Variants in HMG20A observed in about 807,000 individuals in gnomAD.
The protein encoded by HMG20A is high mobility group 20A.
A neutral mutation model predicts 43.9 loss-of-function variants in HMG20A; 17 were observed. That is an observed-to-expected ratio of 0.39 (90% CI 0.27 to 0.58). The LOEUF is 0.58. HMG20A is among the 20% of genes least tolerant of loss of function. The pLI, the probability that HMG20A is intolerant of heterozygous loss-of-function variation, is 0.59. For missense variants in HMG20A, 341 were observed against 438.2 expected, an observed-to-expected ratio of 0.78 and a Z score of 1.98; for synonymous variants, 132 against 147.5, an observed-to-expected ratio of 0.89 and a Z score of 0.76.
the HMG20A span, among the ~76,000 whole-genome samples, chr15:77,501,770 A>G: frequency 6.6e-6 from 1 of 152,252 alleles, no homozygotes; most frequent in African/African-American, 2.4e-5. Flanking sequence ...CTAAAAGGCA[A>G]CATAACGAAG....
chr15:77,425,751 T>G (rs532444848), intron 1 of HMG20A, among the ~76,000 whole-genome samples: 1 of 152,300 alleles, frequency 6.6e-6, no homozygotes, highest in East Asian at 1.9e-4. Context: ...TATCAAATAT[T>G]TGGACACTTA....
the HMG20A span, among the ~76,000 whole-genome samples, chr15:77,516,186 T>G: frequency 6.6e-6 from 1 of 152,172 alleles, no homozygotes; most frequent in Admixed American, 6.5e-5. Context: ...AATGTATGAC[T>G]TTTACACCGT....
chr15:77,463,339 A>G (rs1399059401), intron 2 of HMG20A, among the ~76,000 whole-genome samples: 3 of 152,164 alleles, frequency 2.0e-5, no homozygotes, highest in Non-Finnish European at 4.4e-5. Flanking sequence ...TTAACAAGCC[A>G]TTATTTTAGT....
chr15:77,459,646 G>A (rs1417879672), intron 2 of HMG20A, among the ~76,000 whole-genome samples: 1 of 152,136 alleles, frequency 6.6e-6, no homozygotes. Flanking sequence ...CTAGACAGAG[G>A]GAGCAGTAGG....
chr15:77,466,653 A>G (rs530958010), intron 3 of HMG20A, among the ~76,000 whole-genome samples: 1 of 152,062 alleles, frequency 6.6e-6, no homozygotes, highest in African/African-American at 2.4e-5. Flanking sequence ...ACACCATCTT[A>G]CTCTAATCTG....
At chr15:77,457,778 T>A (rs1487387340) in intron 1 of HMG20A, among the ~76,000 whole-genome samples, 2 of 152,188 alleles carry the variant, frequency 1.3e-5, no homozygotes, top group African/African-American at 4.8e-5. Context: ...GAGAGCCACA[T>A]CAGCATGCCT....
chr15:77,498,117 G>T, the HMG20A span, among the ~76,000 whole-genome samples: 2 of 152,202 alleles, frequency 1.3e-5, no homozygotes, highest in East Asian at 3.9e-4. Flanking sequence ...GAGAAAGTGC[G>T]TGGGCCAGGG....
intron 4 of HMG20A, among the ~76,000 whole-genome samples, chr15:77,469,009 T>C (rs2142344052): frequency 6.6e-6 from 1 of 152,176 alleles, no homozygotes; most frequent in East Asian, 1.9e-4. Context: ...CTTTTACCTT[T>C]AACAGAACAT....
In HMG20A at chr15:77,465,672, G is replaced by A. The variant is rs184549379; in HGVS notation, c.237+1285G>A. On this transcript the variant is annotated intron_variant, in intron 3 of 9. Transcript: ENST00000336216. The stretch of plus-strand genomic sequence containing the variant: ...GGCCCTCCAAAGTGCTGGGATTACA[G>A]GTGTGAACCACCGTGCCAGCCCACA... Among the ~76,000 whole-genome samples, 487 of 152,272 alleles carry A rather than the reference G, an allele frequency of 3.2e-3. 1 individual carries two copies. The highest frequency in any genetic ancestry group is 5.5e-3 in the Non-Finnish European group (377 of 68,022).
chr15:77,489,614 C>T (rs2072962618), downstream of HMG20A, among the ~76,000 whole-genome samples: 1 of 152,236 alleles, frequency 6.6e-6, no homozygotes, highest in Admixed American at 6.5e-5. Context: ...ACCTAACAAA[C>T]TCATCTCAGC....
chr15:77,500,960 C>T, the HMG20A span, among the ~76,000 whole-genome samples: 1 of 152,302 alleles, frequency 6.6e-6, no homozygotes, highest in East Asian at 1.9e-4. Flanking sequence ...CTCTGCAAGC[C>T]CAGATCAGAT....
chr15:77,441,562 A>G (rs1374279027), intron 1 of HMG20A, among the ~76,000 whole-genome samples: 1 of 152,184 alleles, frequency 6.6e-6, no homozygotes, highest in Non-Finnish European at 1.5e-5. Context: ...CCCAGAAACC[A>G]GTTAGTTGGT....
chr15:77,439,065 T>G (rs980895626), intron 1 of HMG20A, among the ~76,000 whole-genome samples: 4 of 152,074 alleles, frequency 2.6e-5, no homozygotes, highest in African/African-American at 9.7e-5. Flanking sequence ...AGTGCTGGGA[T>G]TACAGGCGTG....
chr15:77,479,421 A>T (rs2072887288), intron 9 of HMG20A, 100 bp downstream of exon 9: 6 of 1,129,342 alleles, frequency 5.3e-6, no homozygotes, highest in Non-Finnish European at 7.6e-6. Flanking sequence ...ATTACATTGG[A>T]TGAACAAGTT....
the HMG20A span, among the ~76,000 whole-genome samples, chr15:77,493,405 AGGGAAATGTAGG>A: frequency 1.3e-5 from 2 of 152,164 alleles, no homozygotes; most frequent in Non-Finnish European, 2.9e-5. Flanking sequence ...GACCTGGAGC[AGGGAAATGTAGG>A]GGAAAAACAG....
intron 2 of HMG20A, among the ~76,000 whole-genome samples, chr15:77,460,384 G>A (rs2072694436): frequency 6.6e-6 from 1 of 152,186 alleles, no homozygotes; most frequent in Non-Finnish European, 1.5e-5. Context: ...GCAACTGGAG[G>A]GATGGAGTTG....
the HMG20A span, among the ~76,000 whole-genome samples, chr15:77,517,710 C>T: frequency 2.0e-5 from 3 of 151,886 alleles, no homozygotes; most frequent in Admixed American, 6.6e-5. Flanking sequence ...TGGGCGACGG[C>T]ATTTGAGGCC....
chr15:77,455,176 C>G (rs1378469347), intron 1 of HMG20A, among the ~76,000 whole-genome samples: 8 of 151,378 alleles, frequency 5.3e-5, no homozygotes, highest in Non-Finnish European at 1.0e-4. Context: ...TTGGTGTGAT[C>G]ATCCCTATTA....
chr15:77,492,832 G>T, the HMG20A span, among the ~76,000 whole-genome samples: 1 of 151,354 alleles, frequency 6.6e-6, no homozygotes, highest in African/African-American at 2.4e-5. Flanking sequence ...AATAAATAAA[G>T]AAGAGGAAGA....
Sources: allele counts gnomAD v4.1 joint callset (sites outside exome capture counted in the v4.1 genomes callset), GRCh38; gene constraint gnomAD v4.1.1; transcripts MANE v1.5; gene names NCBI Gene and HGNC (gene_info 2026-07-23, HGNC 2026-07-21).